Variants in ZC3H12B observed in about 807,000 individuals in gnomAD.
ZC3H12B encodes probable ribonuclease ZC3H12B.
A neutral mutation model predicts 43.9 loss-of-function variants in ZC3H12B; 7 were observed. The observed-to-expected ratio is 0.16, with a 90% CI of 0.09 to 0.30. The LOEUF (loss-of-function observed/expected upper bound fraction) is 0.30. ZC3H12B is among the 10% of genes least tolerant of loss of function. ZC3H12B has a pLI of 1.00. For synonymous variants in ZC3H12B, 222 were observed against 241.7 expected (o/e 0.92, Z 0.76); for missense variants, 475 against 670.2 (o/e 0.71, Z 3.22).
At position 65,435,697 on chromosome X, in the gene ZC3H12B, G is replaced by A. The variant is rs990969761; in HGVS notation, n.407+36993G>A. On this transcript the variant is annotated intron_variant and non_coding_transcript_variant, in intron 3 of 5. Transcript: ENST00000617377. ...AGATAGATAGATAGATAGATAGATA[G>A]ATAGACAGTCAGATAGATGAGAGGG... Among the ~76,000 whole-genome samples, 6 of 111,495 alleles carry A rather than the reference G, an allele frequency of 5.4e-5. 1 individual carries two copies. The highest frequency in any genetic ancestry group is 2.0e-4 in the African/African-American group (6 of 30,722).
chrX:65,228,210 G>A, the ZC3H12B span, among the ~76,000 whole-genome samples: 2 of 111,753 alleles, frequency 1.8e-5, no homozygotes, highest in Non-Finnish European at 3.8e-5. Flanking sequence ...TCATCCCTGG[G>A]ATGCAAGGCT....
At chrX:65,472,996 A>G (rs371035164) in intron 3 of ZC3H12B, among the ~76,000 whole-genome samples, 10 of 75,335 alleles carry the variant, frequency 1.3e-4, no homozygotes, top group East Asian at 8.0e-4. Flanking sequence ...ATATATATAT[A>G]TGTATATATA....
chrX:65,052,056 C>T, the ZC3H12B span, among the ~76,000 whole-genome samples: 1 of 111,180 alleles, frequency 9.0e-6, no homozygotes, highest in African/African-American at 3.3e-5. Context: ...AGTTACATGA[C>T]TCGGCAGCTG....
intron 3 of ZC3H12B, among the ~76,000 whole-genome samples, chrX:65,454,198 T>A (rs1248332818): frequency 8.9e-6 from 1 of 112,727 alleles, no homozygotes; most frequent in Non-Finnish European, 1.9e-5. Context: ...AGGCATCACC[T>A]CACCTGGGAA....
intron 2 of ZC3H12B, among the ~76,000 whole-genome samples, chrX:65,386,872 C>T (rs934627580): frequency 1.8e-5 from 2 of 111,516 alleles, no homozygotes; most frequent in Non-Finnish European, 3.8e-5. Flanking sequence ...TTTCAAACAA[C>T]GTCTTTATTT....
the ZC3H12B span, among the ~76,000 whole-genome samples, chrX:65,143,670 CT>C: frequency 9.3e-6 from 1 of 108,052 alleles, no homozygotes; most frequent in African/African-American, 3.4e-5. Context: ...TCAAGTGATT[CT>C]TCTGCCTCAC....
chrX:65,306,949 T>A, the ZC3H12B span, among the ~76,000 whole-genome samples: 1 of 112,390 alleles, frequency 8.9e-6, no homozygotes, highest in African/African-American at 3.2e-5. Flanking sequence ...TTTATTCATA[T>A]GAAATTATAG....
chrX:65,310,605 C>T, the ZC3H12B span, among the ~76,000 whole-genome samples: 2 of 111,971 alleles, frequency 1.8e-5, no homozygotes, highest in African/African-American at 6.5e-5. Flanking sequence ...CTATCCCCAT[C>T]AAGCTACCAA....
chrX:65,259,968 G>C, the ZC3H12B span, among the ~76,000 whole-genome samples: 8 of 111,681 alleles, frequency 7.2e-5, no homozygotes, highest in Non-Finnish European at 1.5e-4. Context: ...AAATAACTCG[G>C]GAATGGAAAA....
the ZC3H12B span, among the ~76,000 whole-genome samples, chrX:65,213,463 A>G: frequency 3.6e-5 from 4 of 111,114 alleles, no homozygotes; most frequent in East Asian, 1.1e-3. Context: ...AATGCTTGGG[A>G]CAAGAAGTGT....
the ZC3H12B span, chrX:65,328,091 T>G: frequency 7.8e-6 from 2 of 255,166 alleles, no homozygotes; most frequent in Non-Finnish European, 7.9e-6. Flanking sequence ...ATAAGGAAGA[T>G]AATTCAGTAA....
the ZC3H12B span, among the ~76,000 whole-genome samples, chrX:65,059,219 A>AAACCC: frequency 2.6e-5 from 1 of 38,474 alleles, no homozygotes; most frequent in Non-Finnish European, 4.9e-5. Context: ...TCTTGGAACC[A>AAACCC]CCCCCCCCCC....
the ZC3H12B span, among the ~76,000 whole-genome samples, chrX:65,295,002 G>C: frequency 9.2e-6 from 1 of 109,165 alleles, no homozygotes; most frequent in Non-Finnish European, 1.9e-5. Flanking sequence ...AAAAAAAAAA[G>C]GACTAAACTG....
intron 3 of ZC3H12B, among the ~76,000 whole-genome samples, chrX:65,413,252 T>C (rs893816573): frequency 1.8e-5 from 2 of 112,257 alleles, no homozygotes; most frequent in Non-Finnish European, 3.8e-5. Context: ...ATGGGTTGCC[T>C]TTTCACTTTC....
chrX:65,267,014 A>G, the ZC3H12B span, among the ~76,000 whole-genome samples: 2 of 110,149 alleles, frequency 1.8e-5, no homozygotes, highest in Non-Finnish European at 3.8e-5. Context: ...GCATCCTCAG[A>G]GCTTGACACA....
At chrX:65,444,076 CTCTT>C (rs752957784) in intron 3 of ZC3H12B, among the ~76,000 whole-genome samples, 37 of 112,243 alleles carry the variant, frequency 3.3e-4, no homozygotes, top group Non-Finnish European at 5.4e-4. Context: ...TAGTGGTCTT[CTCTT>C]TCTTCCTTCT....
the ZC3H12B span, among the ~76,000 whole-genome samples, chrX:65,353,046 G>A: frequency 9.1e-6 from 1 of 110,027 alleles, no homozygotes. Context: ...GTGTGCGTAT[G>A]GGATTTCACC....
the ZC3H12B span, among the ~76,000 whole-genome samples, chrX:65,082,202 A>G: frequency 3.6e-5 from 4 of 111,690 alleles, no homozygotes; most frequent in Non-Finnish European, 7.5e-5. Context: ...CTAGTGATTC[A>G]TCTTAAAGGA....
the ZC3H12B span, among the ~76,000 whole-genome samples, chrX:65,082,444 C>A: frequency 2.7e-5 from 3 of 111,640 alleles, no homozygotes; most frequent in Admixed American, 2.8e-4. Flanking sequence ...ACAACTGATA[C>A]TGCAGAAATT....
Sources: allele counts gnomAD v4.1 joint callset (sites outside exome capture counted in the v4.1 genomes callset), GRCh38; gene constraint gnomAD v4.1.1; transcripts MANE v1.5; gene names NCBI Gene and HGNC (gene_info 2026-07-23, HGNC 2026-07-21).